The following ZNF521 variants were observed in gnomAD, a reference collection of about 807,000 sequenced individuals.
The protein encoded by ZNF521 is LYST-interacting protein 3.
ZNF521 carries 14 observed loss-of-function variants against 105.5 expected under a neutral mutation model. That is an observed-to-expected ratio of 0.13 (90% CI 0.09 to 0.21). The LOEUF is 0.21. Among genes scored for constraint, ZNF521 ranks in the 10% least tolerant of loss-of-function variants. ZNF521 has a pLI of 1.00. For missense variants in ZNF521, 1,233 were observed against 1,629.7 expected (o/e 0.76, Z 4.19); for synonymous variants, 635 against 606.0 (o/e 1.05, Z -0.70).
At position 25,224,526 on chromosome 18, in the gene ZNF521, C is replaced by T. The variant is rs1600175535; in HGVS notation, c.3392G>A (p.Gly1131Asp). The change falls in exon 4 of 8, where the codon GGC (glycine) becomes GAC (aspartate). Residue 1131 changes from glycine to aspartate, a missense_variant. Physicochemically the swap from Gly to Asp is moderately conservative, Grantham distance 94. Coordinates refer to ENST00000361524, the MANE Select transcript of ZNF521 (RefSeq NM_015461.3). ...NENLSAIEGKGKVGGLKTRCS... is the reference protein window; with the variant it reads ...NENLSAIEGKDKVGGLKTRCS... The stretch of plus-strand genomic sequence containing the variant: ...GCGTGTCTTCAGTCCCCCCACCTTG[C>T]CTTTCCCCTCAATGGCACTCAGATT... 2 of 1,614,032 alleles carry T rather than the reference C, an allele frequency of 1.2e-6. No individual in the cohort carries two copies. The highest frequency in any genetic ancestry group is 8.5e-7 in the Non-Finnish European group (1 of 1,179,984).
intron 4 of ZNF521, among the ~76,000 whole-genome samples, chr18:25,221,961 A>G (rs1905753833): frequency 6.6e-6 from 1 of 152,176 alleles, no homozygotes; most frequent in Non-Finnish European, 1.5e-5. Flanking sequence ...AGAGTATCAT[A>G]CAAAATTTTA....
chr18:25,285,714 A>T (rs1377320440), intron 3 of ZNF521, among the ~76,000 whole-genome samples: 5 of 151,994 alleles, frequency 3.3e-5, no homozygotes, highest in African/African-American at 1.2e-4. Flanking sequence ...ACACACACAC[A>T]CACACACACA....
At chr18:25,100,940 A>C (rs575559505) in intron 5 of ZNF521, among the ~76,000 whole-genome samples, 2 of 152,164 alleles carry the variant, frequency 1.3e-5, no homozygotes, top group Admixed American at 6.5e-5. Flanking sequence ...AACTAGTGTG[A>C]ATTTAATGTC....
chr18:25,277,672 C>A lies in ZNF521; in HGVS notation c.220+44336G>T, dbSNP rs190105384. ...ATTTCACTAAGTTATTTAGTTTCAG[C>A]TCTGGATCAGGTAAGTTAACATCTG... is the stretch of plus-strand genomic sequence containing the variant. On this transcript the variant is annotated intron_variant, in intron 3 of 7. Transcript: ENST00000361524. 7.6e-4 allele frequency among the ~76,000 whole-genome samples: 115 copies of A among 152,266 alleles called. 1 individual carries two copies. The highest frequency in any genetic ancestry group is 3.4e-3 in the Middle Eastern group (1 of 294).
intron 3 of ZNF521, among the ~76,000 whole-genome samples, chr18:25,243,695 T>C (rs1010996221): frequency 2.6e-5 from 4 of 152,240 alleles, no homozygotes; most frequent in African/African-American, 9.6e-5. Flanking sequence ...GACTGATTAA[T>C]GTGGATTATT....
Position 25,225,403 on chromosome 18 carries a change from T to C in ZNF521, c.2515A>G (p.Thr839Ala). 1 of 1,614,208 alleles carries C rather than the reference T, an allele frequency of 6.2e-7. No individual in the cohort carries two copies. Among genetic ancestry groups the C allele is most frequent in the Non-Finnish European group, 8.5e-7 (1 of 1,180,036 alleles). ...REKHCVFETK[T>A]PNCGTNGASE... ...GCTCCATTTGTTCCACAGTTGGGTG[T>C]CTTGGTTTCGAATACACAGTGTTTT... Residue 839 changes from threonine (T) to alanine (A), a missense_variant, in exon 4 of 8, where the codon ACA becomes GCA. Around this residue, in one of 6 missense-constraint regions of ZNF521, gnomAD observed 614 missense variants for 751.5 expected, o/e 0.82. Coordinates refer to ENST00000361524, the MANE Select transcript of ZNF521 (RefSeq NM_015461.3). The surrounding 1 kb of genome is among the most constrained non-coding windows in gnomAD (Gnocchi z 5.6).
chr18:25,319,595 CA>C (rs67059898), intron 3 of ZNF521, among the ~76,000 whole-genome samples: 34,658 of 114,226 alleles, frequency 0.3, 4,027 homozygotes, highest in Middle Eastern at 0.41. Flanking sequence ...GACTCCATCA[CA>C]AAAAAAAAAA....
chr18:25,165,894 TCTTC>T (rs1421780767), intron 5 of ZNF521, among the ~76,000 whole-genome samples: 1 of 152,220 alleles, frequency 6.6e-6, no homozygotes, highest in Non-Finnish European at 1.5e-5. Flanking sequence ...TACGCTGGGC[TCTTC>T]CTTATCAGGC....
chr18:25,323,301 A>G (rs1277129244), intron 2 of ZNF521, among the ~76,000 whole-genome samples: 1 of 152,202 alleles, frequency 6.6e-6, no homozygotes, highest in African/African-American at 2.4e-5. Flanking sequence ...TGAAATGGTT[A>G]CAAAATAACT....
chr18:25,351,879 C>G (rs1914800892), intron 1 of ZNF521, 126 bp downstream of exon 1: 1 of 272,412 alleles, frequency 3.7e-6, no homozygotes, highest in East Asian at 1.4e-4. Flanking sequence ...GCCTCGGCAG[C>G]GGCGGCGGCA....
chr18:25,248,881 G>A lies in ZNF521; in HGVS notation c.221-21184C>T, dbSNP rs139201642. ...AGAGGTTAACAAACTACGGCTTATAGGCCAAATGCTCTTGCTTTTGTAAAT... is the reference window on the plus strand; with the variant it reads ...AGAGGTTAACAAACTACGGCTTATAAGCCAAATGCTCTTGCTTTTGTAAAT... On this transcript the variant is annotated intron_variant, in intron 3 of 7. Coordinates refer to ENST00000361524, the MANE Select transcript of ZNF521 (RefSeq NM_015461.3). Among the ~76,000 whole-genome samples the A allele has an allele frequency of 2.8e-4, 43 of 152,286 alleles. 1 individual carries two copies. In the East Asian group the frequency reaches 8.1e-3, roughly 29 times the overall value.
intron 5 of ZNF521, among the ~76,000 whole-genome samples, chr18:25,126,597 G>T (rs1211150448): frequency 2.0e-5 from 3 of 151,984 alleles, no homozygotes; most frequent in Admixed American, 1.3e-4. Context: ...ACCTCCTGGG[G>T]ACTATTAAAG....
chr18:25,342,431 GTTTT>G (rs869215138), intron 2 of ZNF521, among the ~76,000 whole-genome samples: 11 of 147,850 alleles, frequency 7.4e-5, no homozygotes, highest in South Asian at 2.2e-4. Flanking sequence ...TTGTTTGTTT[GTTTT>G]TTTTGAGACA....
chr18:25,225,203 C>G lies in ZNF521; in HGVS notation c.2715G>C (p.Gln905His), dbSNP rs1906028818. The change falls in exon 4 of 8, where the codon CAG becomes CAC. Residue 905 changes from glutamine to histidine, a missense_variant. By Grantham distance (24) the Gln-to-His change is conservative. Coordinates refer to ENST00000361524, the MANE Select transcript of ZNF521 (RefSeq NM_015461.3). The surrounding 1 kb of genome is among the most constrained non-coding windows in gnomAD (Gnocchi z 5.6). The stretch of plus-strand genomic sequence containing the variant: ...CAGGTCTGATGTTGTGGTCTCGGAG[C>G]TGGTGATTCTGCAGCAAAGTTTCCA... Reference protein sequence around the residue: ...YTMETLLQNHQLRDHNIRPGE... With the variant: ...YTMETLLQNHHLRDHNIRPGE... The G allele has an allele frequency of 6.2e-7, 1 of 1,613,972 alleles. No individual in the cohort carries two copies. Among genetic ancestry groups the G allele is most frequent in the Admixed American group, 1.7e-5 (1 of 60,000 alleles).
intron 5 of ZNF521, among the ~76,000 whole-genome samples, chr18:25,191,134 A>T (rs2035810707): frequency 6.6e-6 from 1 of 152,146 alleles, no homozygotes; most frequent in African/African-American, 2.4e-5. Flanking sequence ...GGGTATCCTG[A>T]CACTTAGACA....
At chr18:25,262,120 C>G (rs1908951597) in intron 3 of ZNF521, among the ~76,000 whole-genome samples, 1 of 152,144 alleles carries the variant, frequency 6.6e-6, no homozygotes, top group East Asian at 1.9e-4. Context: ...ACTTACGTCC[C>G]TTTATCACTT....
chr18:25,107,561 C>T (rs9961429), intron 5 of ZNF521, among the ~76,000 whole-genome samples: 115,308 of 152,082 alleles, frequency 0.76, 44,266 homozygotes, highest in South Asian at 0.9. Context: ...ATATTTAGAA[C>T]ACTCCAAGAG....
rs1008724587 is a variant in ZNF521, at chr18:25,272,418, A to T, written c.221-44721T>A. ...CCAGCCATCCCATTACAAGGTATATACCCAAAGGATTATAATTCATTGTAC... is the reference window on the plus strand; with the variant it reads ...CCAGCCATCCCATTACAAGGTATATTCCCAAAGGATTATAATTCATTGTAC... On this transcript the variant is annotated intron_variant, in intron 3 of 7. Transcript: ENST00000361524. Among the ~76,000 whole-genome samples the T allele has an allele frequency of 4.4e-4, 67 of 152,348 alleles. 1 individual carries two copies. Among genetic ancestry groups the T allele is most frequent in the Middle Eastern group, 3.4e-3 (1 of 294 alleles).
At chr18:25,151,001 G>A (rs562336578) in intron 5 of ZNF521, among the ~76,000 whole-genome samples, 22 of 149,538 alleles carry the variant, frequency 1.5e-4, no homozygotes, top group Non-Finnish European at 3.3e-4. Flanking sequence ...TGATCCTCCC[G>A]CCTCAGCCCC....
Sources: gnomAD v4.1 joint callset for allele counts (sites outside exome capture counted in the v4.1 genomes callset) on GRCh38, gnomAD v4.1.1 for gene constraint, gnomAD v4.1.1 regional missense constraint, Gnocchi (gnomAD v3.1) non-coding constraint, MANE v1.5 for transcripts, NCBI Gene and HGNC (gene_info 2026-07-23, HGNC 2026-07-21) for gene names.